MAGI2: variants seen among roughly 807,000 people sequenced by gnomAD.
MAGI2 encodes membrane-associated guanylate kinase, WW and PDZ domain-containing protein 2.
A neutral mutation model predicts 133.3 loss-of-function variants in MAGI2; 35 were observed. That is an observed-to-expected ratio of 0.26 (90% CI 0.20 to 0.35). The LOEUF is 0.35. Among genes scored for constraint, MAGI2 ranks in the 10% least tolerant of loss-of-function variants. MAGI2 has a pLI of 1.00. For missense variants in MAGI2, 1,636 were observed against 1,863.4 expected, an observed-to-expected ratio of 0.88 and a Z score of 2.25; for synonymous variants, 729 against 710.6, an observed-to-expected ratio of 1.03 and a Z score of -0.41.
chr7:79,352,558 G>T (rs1221662846), intron 1 of MAGI2, among the ~76,000 whole-genome samples: 1 of 152,218 alleles, frequency 6.6e-6, no homozygotes, highest in Non-Finnish European at 1.5e-5. Context: ...GGTGCAGTTT[G>T]CAATCTGGCT....
rs28670967 is a variant in MAGI2, at chr7:78,719,519, C to T, written c.419-92280G>A. On this transcript the variant is annotated intron_variant, in intron 2 of 21. Coordinates refer to ENST00000354212, the MANE Select transcript of MAGI2 (RefSeq NM_012301.4). ...AAGGAGTGAGTGATAGAAACCACTA[C>T]GTTTAAAAAAATCATTTAGTTAGAA... is the stretch of plus-strand genomic sequence containing the variant. Among the ~76,000 whole-genome samples, 1,020 of 152,214 alleles carry T rather than the reference C, an allele frequency of 6.7e-3. 15 individuals are homozygous for T. The highest frequency in any genetic ancestry group is 0.024 in the African/African-American group (976 of 41,498).
chr7:79,174,201 T>G (rs2129549294), intron 1 of MAGI2, among the ~76,000 whole-genome samples: 1 of 152,110 alleles, frequency 6.6e-6, no homozygotes, highest in East Asian at 1.9e-4. Context: ...TTTGAATACC[T>G]CTCCAATAAA....
intron 10 of MAGI2, among the ~76,000 whole-genome samples, chr7:78,239,146 C>T (rs1273118544): frequency 4.6e-5 from 7 of 152,072 alleles, no homozygotes; most frequent in Non-Finnish European, 8.8e-5. Flanking sequence ...ACAAAGTTTC[C>T]AGGAAAATAC....
intron 2 of MAGI2, among the ~76,000 whole-genome samples, chr7:78,818,788 A>G (rs977588683): frequency 6.6e-6 from 1 of 152,100 alleles, no homozygotes; most frequent in African/African-American, 2.4e-5. Flanking sequence ...ATCCTTTTGT[A>G]GTTATCATCC....
intron 21 of MAGI2, among the ~76,000 whole-genome samples, chr7:78,064,377 A>G (rs751846587): frequency 6.1e-5 from 9 of 147,088 alleles, no homozygotes; most frequent in Non-Finnish European, 1.2e-4. Flanking sequence ...AATTTATATA[A>G]GCATAAAACT....
chr7:78,378,808 T>C (rs1026012796), intron 6 of MAGI2, among the ~76,000 whole-genome samples: 6 of 151,910 alleles, frequency 3.9e-5, no homozygotes, highest in Non-Finnish European at 7.4e-5. Context: ...AGATCTAAGC[T>C]TATATGAAAG....
chr7:78,860,837 C>A (rs958514863), intron 2 of MAGI2, among the ~76,000 whole-genome samples: 1 of 152,176 alleles, frequency 6.6e-6, no homozygotes, highest in African/African-American at 2.4e-5. Context: ...GCCCTGCCCC[C>A]AGAGATGGAG....
At chr7:78,060,509 G>A (rs1813129596) in intron 21 of MAGI2, among the ~76,000 whole-genome samples, 1 of 152,240 alleles carries the variant, frequency 6.6e-6, no homozygotes, top group Non-Finnish European at 1.5e-5. Context: ...ATACCACAAA[G>A]GGGAGGAAGT....
chr7:79,006,165 C>T (rs1807420321), intron 2 of MAGI2, among the ~76,000 whole-genome samples: 1 of 152,058 alleles, frequency 6.6e-6, no homozygotes, highest in South Asian at 2.1e-4. Flanking sequence ...GTGGTTCAAC[C>T]CTACATAATA....
chr7:78,817,859 A>T (rs1356024625), intron 2 of MAGI2, among the ~76,000 whole-genome samples: 1 of 151,894 alleles, frequency 6.6e-6, no homozygotes, highest in Non-Finnish European at 1.5e-5. Flanking sequence ...ACAGGCATGC[A>T]CCACCATGCC....
chr7:78,166,863 A>G (rs954976670), intron 15 of MAGI2, among the ~76,000 whole-genome samples: 2 of 152,122 alleles, frequency 1.3e-5, no homozygotes, highest in South Asian at 4.2e-4. Flanking sequence ...ACAAAGTAAC[A>G]TAAAGAAATA....
chr7:79,337,422 T>C (rs1357874148), intron 1 of MAGI2, among the ~76,000 whole-genome samples: 2 of 152,214 alleles, frequency 1.3e-5, no homozygotes, highest in African/African-American at 4.8e-5. Context: ...TGCACATTCC[T>C]ATACATGTCC....
intron 1 of MAGI2, among the ~76,000 whole-genome samples, chr7:79,435,578 T>C (rs1848076979): frequency 6.6e-6 from 1 of 151,748 alleles, no homozygotes; most frequent in Non-Finnish European, 1.5e-5. Flanking sequence ...TTTAAAATAC[T>C]CTACTTTTCA....
At position 78,283,550 on chromosome 7, in the gene MAGI2, C is replaced by T. The variant is rs571709955; in HGVS notation, c.1409-26969G>A. Reference sequence around the variant, plus strand: ...TACCTGACCATTGTTTTTAAATGTTCTCATTAGCATTTCTTGTCTGTAATA... The same window carrying T: ...TACCTGACCATTGTTTTTAAATGTTTTCATTAGCATTTCTTGTCTGTAATA... On this transcript the variant is annotated intron_variant, in intron 9 of 21. Coordinates refer to ENST00000354212, the MANE Select transcript of MAGI2 (RefSeq NM_012301.4). Among the ~76,000 whole-genome samples, 79 of 152,192 alleles carry T rather than the reference C, an allele frequency of 5.2e-4. 2 individuals carry two copies. The highest frequency in any genetic ancestry group is 8.8e-4 in the Non-Finnish European group (60 of 67,976).
intron 20 of MAGI2, among the ~76,000 whole-genome samples, chr7:78,111,898 C>A (rs1819401172): frequency 6.6e-6 from 1 of 152,144 alleles, no homozygotes; most frequent in South Asian, 2.1e-4. Flanking sequence ...AATTTCAGCA[C>A]CCAGACGTGA....
chr7:78,390,623 C>T (rs1583850058), intron 6 of MAGI2, among the ~76,000 whole-genome samples: 1 of 121,172 alleles, frequency 8.3e-6, no homozygotes, highest in African/African-American at 3.2e-5. Context: ...CTTTACCTGA[C>T]AATTCTTACT....
intron 3 of MAGI2, among the ~76,000 whole-genome samples, chr7:78,608,356 G>A (rs574939480): frequency 2.6e-5 from 4 of 151,968 alleles, no homozygotes; most frequent in Non-Finnish European, 5.9e-5. Flanking sequence ...GTACCTTTCT[G>A]GGTATCAGTG....
At chr7:78,926,640 A>G (rs979410723) in intron 2 of MAGI2, among the ~76,000 whole-genome samples, 1 of 152,040 alleles carries the variant, frequency 6.6e-6, no homozygotes, top group African/African-American at 2.4e-5. Flanking sequence ...GCCAAAAAAC[A>G]TAAAGCCTCT....
chr7:78,295,393 T>C (rs1449748310), intron 9 of MAGI2, among the ~76,000 whole-genome samples: 1 of 152,198 alleles, frequency 6.6e-6, no homozygotes, highest in Non-Finnish European at 1.5e-5. Flanking sequence ...AACTGTAAAT[T>C]TGTGCATCTG....
Sources: allele counts gnomAD v4.1 joint callset (sites outside exome capture counted in the v4.1 genomes callset), GRCh38; gene constraint gnomAD v4.1.1; transcripts MANE v1.5; gene names NCBI Gene and HGNC (gene_info 2026-07-23, HGNC 2026-07-21).